Variants in VOPP1 observed in about 807,000 individuals in gnomAD.
VOPP1 encodes the protein VOPP1 WW domain binding protein.
A neutral mutation model predicts 23.5 loss-of-function variants in VOPP1; 8 were observed. That is an observed-to-expected ratio of 0.34 (90% confidence interval 0.20 to 0.61). VOPP1 has a LOEUF of 0.61. VOPP1 is among the 20% of genes least tolerant of loss of function. The pLI is 0.78. For synonymous variants in VOPP1, 83 were observed against 97.3 expected (o/e 0.85, Z 0.86); for missense variants, 174 against 238.1 (o/e 0.73, Z 1.77).
intron 1 of VOPP1, among the ~76,000 whole-genome samples, chr7:55,535,065 C>A (rs1796705568): frequency 6.6e-6 from 1 of 152,206 alleles, no homozygotes; most frequent in Non-Finnish European, 1.5e-5. Flanking sequence ...CAAGTCTGGC[C>A]GCATGGCCTC....
chr7:55,543,954 C>T (rs1584089389), intron 1 of VOPP1, among the ~76,000 whole-genome samples: 1 of 152,274 alleles, frequency 6.6e-6, no homozygotes, highest in Non-Finnish European at 1.5e-5. Flanking sequence ...GTTGCCTGTG[C>T]TTTTGAGGCT....
At chr7:55,486,713 T>A (rs1428549794) in intron 4 of VOPP1, among the ~76,000 whole-genome samples, 1 of 152,258 alleles carries the variant, frequency 6.6e-6, no homozygotes, top group Admixed American at 6.5e-5. Context: ...CTGGTAGCCA[T>A]GAGAATGTAT....
At chr7:55,441,646 GA>G (rs916657596) in intron 4 of VOPP1, among the ~76,000 whole-genome samples, 51 of 152,222 alleles carry the variant, frequency 3.4e-4, no homozygotes, top group African/African-American at 9.6e-4. Flanking sequence ...AGTTTTCTAG[GA>G]AAAAAAGTTA....
intron 2 of VOPP1, among the ~76,000 whole-genome samples, chr7:55,518,060 A>T (rs1795585633): frequency 6.6e-6 from 1 of 152,192 alleles, no homozygotes; most frequent in African/African-American, 2.4e-5. Context: ...TCTCATGAGC[A>T]TATGTAACAG....
chr7:55,513,758 A>C (rs185680832), intron 2 of VOPP1, among the ~76,000 whole-genome samples: 15 of 152,334 alleles, frequency 9.8e-5, no homozygotes, highest in African/African-American at 3.4e-4. Flanking sequence ...CTTTGGGGCC[A>C]AATCTTTTCC....
chr7:55,499,820 G>T (rs1245476083), intron 2 of VOPP1, among the ~76,000 whole-genome samples: 1 of 152,246 alleles, frequency 6.6e-6, no homozygotes, highest in Middle Eastern at 3.4e-3. Flanking sequence ...CAGGGTGTGA[G>T]GGGGAGTGAG....
chr7:55,569,591 A>C (rs563353560), intron 1 of VOPP1, among the ~76,000 whole-genome samples: 22 of 152,212 alleles, frequency 1.4e-4, no homozygotes, highest in Non-Finnish European at 2.4e-4. Flanking sequence ...CATTTGAAAC[A>C]AAAATGAAGA....
chr7:55,460,801 T>C (rs766222724), intron 4 of VOPP1, among the ~76,000 whole-genome samples: 11 of 152,232 alleles, frequency 7.2e-5, no homozygotes, highest in African/African-American at 2.7e-4. Context: ...CTGCTCACTT[T>C]TGGTTTCCAT....
chr7:55,518,739 C>T (rs893473490), intron 2 of VOPP1, among the ~76,000 whole-genome samples: 1 of 152,174 alleles, frequency 6.6e-6, no homozygotes, highest in African/African-American at 2.4e-5. Context: ...TAACTTGTTG[C>T]CCTCATGAGA....
At chr7:55,491,063 G>T (rs2129018591) in intron 4 of VOPP1, among the ~76,000 whole-genome samples, 1 of 152,230 alleles carries the variant, frequency 6.6e-6, no homozygotes, top group East Asian at 1.9e-4. Context: ...CTTTATTGAG[G>T]TCTGACTGAC....
rs773250295 is a variant in VOPP1 at position 55,546,048 on chromosome 7, C to T, written c.55-24918G>A. Among the ~76,000 whole-genome samples, 4 of 151,948 alleles carry T rather than the reference C, an allele frequency of 2.6e-5. No individual in the cohort carries two copies. The East Asian group carries it at 7.7e-4, about 29-fold the overall frequency. On this transcript the variant is annotated intron_variant, in intron 1 of 4. Transcript: ENST00000285279. ...CACCACTGCACTCCAGTCTGGGTGACAGAATGAGACCCTGTCTCAATTAAA... is the reference window on the plus strand; with the variant it reads ...CACCACTGCACTCCAGTCTGGGTGATAGAATGAGACCCTGTCTCAATTAAA...
At chr7:55,464,723 G>A (rs761411806) in intron 4 of VOPP1, among the ~76,000 whole-genome samples, 20 of 152,212 alleles carry the variant, frequency 1.3e-4, no homozygotes, top group Non-Finnish European at 2.5e-4. Flanking sequence ...TCAGAGGGAT[G>A]TGGAGATACA....
chr7:55,540,159 G>C (rs2129050511), intron 1 of VOPP1, among the ~76,000 whole-genome samples: 1 of 152,088 alleles, frequency 6.6e-6, no homozygotes, highest in East Asian at 1.9e-4. Flanking sequence ...CAGCACTTTG[G>C]GAGGCCGAGG....
chr7:55,550,725 A>G (rs995222894), intron 1 of VOPP1, among the ~76,000 whole-genome samples: 38 of 152,216 alleles, frequency 2.5e-4, no homozygotes, highest in African/African-American at 8.4e-4. Context: ...CGGAATGGAA[A>G]TGCTCGTGAC....
chr7:55,477,304 C>T (rs1485097882), intron 4 of VOPP1, among the ~76,000 whole-genome samples: 6 of 152,234 alleles, frequency 3.9e-5, no homozygotes, highest in African/African-American at 1.4e-4. Context: ...GAGCCCAGAA[C>T]GGCACCTTGC....
At chr7:55,542,738 C>G (rs909088706) in intron 1 of VOPP1, among the ~76,000 whole-genome samples, 17 of 151,492 alleles carry the variant, frequency 1.1e-4, no homozygotes, top group Admixed American at 2.0e-4. Context: ...TGCAGTGAAC[C>G]GAGATCGTGC....
intron 4 of VOPP1, among the ~76,000 whole-genome samples, chr7:55,464,242 T>A (rs1791578655): frequency 1.3e-5 from 2 of 152,074 alleles, no homozygotes; most frequent in African/African-American, 4.8e-5. Context: ...CTTAACAACA[T>A]GCATTAGTGT....
intron 4 of VOPP1, among the ~76,000 whole-genome samples, chr7:55,478,995 G>A (rs951753234): frequency 6.6e-6 from 1 of 152,172 alleles, no homozygotes; most frequent in Non-Finnish European, 1.5e-5. Flanking sequence ...CCCGGCCCGA[G>A]GATGCTGCTG....
intron 1 of VOPP1, among the ~76,000 whole-genome samples, chr7:55,555,264 A>G (rs1319157631): frequency 6.6e-6 from 1 of 152,206 alleles, no homozygotes; most frequent in South Asian, 2.1e-4. Flanking sequence ...GGTGCTCTGC[A>G]TGGACAGCTT....
Sources: allele counts gnomAD v4.1 joint callset (sites outside exome capture counted in the v4.1 genomes callset), GRCh38; gene constraint gnomAD v4.1.1; transcripts MANE v1.5; gene names NCBI Gene and HGNC (gene_info 2026-07-23, HGNC 2026-07-21).